ADGRF5: variants seen among roughly 807,000 people sequenced by gnomAD.
ADGRF5 encodes the protein adhesion G protein-coupled receptor F5, also known as G-protein coupled receptor 116.
In ADGRF5, 75 loss-of-function variants were observed where a neutral mutation model predicts 132.3. The observed-to-expected ratio is 0.57, with a 90% confidence interval of 0.47 to 0.69. The LOEUF (loss-of-function observed/expected upper bound fraction) is 0.69. ADGRF5 is among the 30% of genes least tolerant of loss of function. ADGRF5 has a pLI of 0.00. For synonymous variants in ADGRF5, 629 were observed against 597.6 expected, an observed-to-expected ratio of 1.05 and a Z score of -0.77; for missense variants, 1,516 against 1,630.6, an observed-to-expected ratio of 0.93 and a Z score of 1.21.
At chr6:46,934,659 G>A (rs1254888936) in intron 1 of ADGRF5, among the ~76,000 whole-genome samples, 2 of 152,078 alleles carry the variant, frequency 1.3e-5, no homozygotes, top group African/African-American at 2.4e-5. Flanking sequence ...TTAATCTACT[G>A]TTCAAATGCA....
rs144005211 is a variant in ADGRF5, at chr6:46,939,675, A to G, written c.-25+15059T>C. ...TAAAGGTTGAATTTTGTTTGTGAGG[A>G]CATGGAATGGGGAGCTTCAACTAAT... On this transcript the variant is annotated intron_variant, in intron 1 of 20. Transcript: ENST00000265417. Among the ~76,000 whole-genome samples, 1,361 of 152,288 alleles carry G rather than the reference A, an allele frequency of 8.9e-3. 72 individuals are homozygous for G. The highest frequency in any genetic ancestry group is 0.084 in the Admixed American group (1,291 of 15,288).
chr6:46,862,413 AC>A (rs1190956319), intron 15 of ADGRF5, among the ~76,000 whole-genome samples: 1 of 152,194 alleles, frequency 6.6e-6, no homozygotes, highest in Non-Finnish European at 1.5e-5. Flanking sequence ...CTTCAAAAGC[AC>A]AAGTTACTTC....
At position 46,900,035 on chromosome 6, in the gene ADGRF5, G is replaced by A. The variant is rs754867365; in HGVS notation, c.151C>T (p.Arg51Ter). The change falls in exon 3 of 21, where the codon CGA (arginine) becomes TGA (stop). Residue 51 changes from arginine to a stop codon, truncating the protein, a stop_gained. Transcript: ENST00000283296. LOFTEE classifies it high-confidence loss of function. ...PAGEEALRQK[R>*]AVATKSPTAE... ...CAAGCAAGAGTTTACATACCGGCTC[G>A]TTTTTGCCTCAGTGCCTCTTCACCA... 11 of 1,609,030 alleles carry A rather than the reference G, an allele frequency of 6.8e-6. No homozygotes were observed. Among genetic ancestry groups the A allele is most frequent in the Admixed American group, 5.0e-5 (3 of 59,980 alleles).
chr6:46,885,568 A>T (rs1772987732), intron 4 of ADGRF5, among the ~76,000 whole-genome samples: 1 of 152,248 alleles, frequency 6.6e-6, no homozygotes, highest in South Asian at 2.1e-4. Flanking sequence ...AATTAAAGTG[A>T]GACCCTCTGG....
chr6:46,859,299 C>T lies in ADGRF5; in HGVS notation c.2604G>A (p.Gln868=). Residue 868 remains glutamine, a synonymous_variant, in exon 17 of 21, where the codon CAG becomes CAA. Transcript: ENST00000283296. ...GGTCAAAGTATGGGAAAACAAACCTCTGTTGATAGGTTTCTGGGTGGCTGG... is the reference window on the plus strand; with the variant it reads ...GGTCAAAGTATGGGAAAACAAACCTTTGTTGATAGGTTTCTGGGTGGCTGG... The part of the protein sequence containing the change: ...IKSSHPETYQ[Q]RFVFPYFDLW... The T allele has an allele frequency of 6.2e-7, 1 of 1,613,430 alleles. No individual in the cohort carries two copies. Among genetic ancestry groups the T allele is most frequent in the Non-Finnish European group, 8.5e-7 (1 of 1,179,418 alleles).
intron 1 of ADGRF5, among the ~76,000 whole-genome samples, chr6:46,945,816 G>A (rs1345849850): frequency 1.3e-5 from 2 of 152,216 alleles, no homozygotes; most frequent in Non-Finnish European, 2.9e-5. Flanking sequence ...GGCTGGGGAG[G>A]CCTCACAATC....
intron 20 of ADGRF5, among the ~76,000 whole-genome samples, chr6:46,855,546 C>A (rs1434176590): frequency 6.6e-6 from 1 of 152,134 alleles, no homozygotes; most frequent in Non-Finnish European, 1.5e-5. Context: ...GGAAAACAAA[C>A]CTACATAGTG....
At chr6:46,877,326 T>TTCCTTCCTTCCTTCCTTCCTTCC (rs1396210264) in intron 10 of ADGRF5, among the ~76,000 whole-genome samples, 1 of 98,404 alleles carries the variant, frequency 1.0e-5, no homozygotes, top group African/African-American at 5.0e-5. Context: ...TCCTTCCTTC[T>TTCCTTCCTTCCTTCCTTCCTTCC]TTCTTTCTTT....
intron 19 of ADGRF5, 65 bp downstream of exon 19, chr6:46,856,653 C>T (rs776798427): frequency 1.3e-5 from 13 of 1,005,954 alleles, no homozygotes; most frequent in Admixed American, 8.3e-5. Context: ...GTACTCTGTA[C>T]TTCAGAATGC....
chr6:46,869,173 C>T (rs927750172), intron 11 of ADGRF5, 81 bp from the exon 12 acceptor site: 2 of 1,539,262 alleles, frequency 1.3e-6, no homozygotes, highest in East Asian at 2.4e-5. Context: ...TAACATATGA[C>T]TGAAACTTCA....
At chr6:46,871,620 T>G (rs220679) in intron 11 of ADGRF5, among the ~76,000 whole-genome samples, 133,446 of 152,124 alleles carry the variant, frequency 0.88, 58,649 homozygotes, top group Non-Finnish European at 0.89. Flanking sequence ...TGGGAACCAC[T>G]GTGTCCTACC....
chr6:46,872,530 G>A (rs1771198041), intron 10 of ADGRF5, among the ~76,000 whole-genome samples: 1 of 152,152 alleles, frequency 6.6e-6, no homozygotes, highest in African/African-American at 2.4e-5. Context: ...TGGGGCACCT[G>A]ATATTCATCT....
At chr6:46,860,525 T>C (rs1263898249) in intron 16 of ADGRF5, among the ~76,000 whole-genome samples, 190 bp downstream of exon 16, 6 of 152,176 alleles carry the variant, frequency 3.9e-5, no homozygotes, top group African/African-American at 1.4e-4. Flanking sequence ...ATAAATATTC[T>C]TAAGGTCTCA....
chr6:46,915,069 T>C (rs1324423157), intron 1 of ADGRF5, among the ~76,000 whole-genome samples: 1 of 151,984 alleles, frequency 6.6e-6, no homozygotes, highest in Non-Finnish European at 1.5e-5. Context: ...TTGGCCAGGC[T>C]GGTCTTGAAC....
At chr6:46,916,218 C>A (rs1218457733) in intron 1 of ADGRF5, among the ~76,000 whole-genome samples, 2 of 152,196 alleles carry the variant, frequency 1.3e-5, no homozygotes, top group Non-Finnish European at 2.9e-5. Context: ...AAAGATATCT[C>A]TTTCCTCTGC....
intron 6 of ADGRF5, among the ~76,000 whole-genome samples, 166 bp downstream of exon 6, chr6:46,883,393 A>T (rs950666312): frequency 6.6e-6 from 1 of 152,230 alleles, no homozygotes; most frequent in Admixed American, 6.5e-5. Flanking sequence ...TCCCCTAAAC[A>T]TGATTTGATT....
At chr6:46,861,043 ATCCCT>A in intron 15 of ADGRF5, 149 bp from the exon 16 acceptor site, 2 of 618,456 alleles carry the variant, frequency 3.2e-6, no homozygotes, top group Non-Finnish European at 5.6e-6. Context: ...TGATGTGCTT[ATCCCT>A]TAAGCACTCC....
chr6:46,908,028 G>A (rs1488631008), intron 1 of ADGRF5: 1 of 152,188 alleles, frequency 6.6e-6, no homozygotes, highest in East Asian at 1.9e-4. Context: ...AGCATGGCCA[G>A]GATAACACAC....
At position 46,859,011 on chromosome 6, in the gene ADGRF5, G is replaced by T; in HGVS notation, c.2892C>A (p.Asn964Lys). ...ACCCACTGCTGTCCCACCCCCCTGTGTTGTTGGCAAGCCTGAAGTTCCAGA... is the reference window on the plus strand; with the variant it reads ...ACCCACTGCTGTCCCACCCCCCTGTTTTGTTGGCAAGCCTGAAGTTCCAGA... ...CVFWNFRLAN[N>K]TGGWDSSGCY... Residue 964 changes from asparagine (N) to lysine (K), a missense_variant, in exon 17 of 21, where the codon AAC becomes AAA. This residue lies in a region of ADGRF5 where 571 missense variants were observed against 701.2 expected (regional missense o/e 0.81). Coordinates refer to ENST00000283296, the MANE Select transcript of ADGRF5 (RefSeq NM_001098518.2). 1 of 1,614,168 alleles carries T rather than the reference G, an allele frequency of 6.2e-7. No individual in the cohort carries two copies. Among genetic ancestry groups the T allele is most frequent in the Non-Finnish European group, 8.5e-7 (1 of 1,180,034 alleles).
Sources: gnomAD v4.1 joint callset for allele counts (sites outside exome capture counted in the v4.1 genomes callset) on GRCh38, gnomAD v4.1.1 for gene constraint, gnomAD v4.1.1 regional missense constraint, MANE v1.5 for transcripts, NCBI Gene and HGNC (gene_info 2026-07-23, HGNC 2026-07-21) for gene names.